The following IL15 variants were observed in gnomAD, a reference collection of about 807,000 sequenced individuals.
IL15 encodes interleukin-15.
In IL15, 11 loss-of-function variants were observed where a neutral mutation model predicts 19.6. The observed-to-expected ratio is 0.56, with a 90% confidence interval of 0.35 to 0.93. IL15 has a LOEUF of 0.93. Ranked by LOEUF, IL15 falls within the 40% of genes least tolerant of loss-of-function variation. IL15 has a pLI of 0.01. For missense variants in IL15, 197 were observed against 186.5 expected, an observed-to-expected ratio of 1.06 and a Z score of -0.33; for synonymous variants, 58 against 59.6, an observed-to-expected ratio of 0.97 and a Z score of 0.12.
Position 141,646,062 on chromosome 4 carries a change from C to T in IL15, c.-222+9314C>T, listed in dbSNP as rs80286720. ...AAGGCCACCCAGATTGAAGGGGAGACGACATAGATTCCACCTTTTGATTAG... is the reference window on the plus strand; with the variant it reads ...AAGGCCACCCAGATTGAAGGGGAGATGACATAGATTCCACCTTTTGATTAG... On this transcript the variant is annotated intron_variant, in intron 1 of 7. Transcript: ENST00000320650. Among the ~76,000 whole-genome samples, 683 of 152,078 alleles carry T rather than the reference C, an allele frequency of 4.5e-3. 2 individuals are homozygous for T. Among genetic ancestry groups the T allele is most frequent in the African/African-American group, 0.013 (538 of 41,496 alleles).
rs1485574018 is a variant in IL15, at chr4:141,733,963, TTA to T, written c.*1117_*1118del. Reference sequence around the variant, plus strand: ...GTAAGAAAGATGAAATATTTTTGTTTTATTATAAATTTATTTCACCTTAATTC... The same window carrying T: ...GTAAGAAAGATGAAATATTTTTGTTTTTATAAATTTATTTCACCTTAATTC... On this transcript the variant is annotated 3_prime_UTR_variant, in exon 8 of 8. Coordinates refer to ENST00000320650, the MANE Select transcript of IL15 (RefSeq NM_000585.5). 6.6e-6 allele frequency: 1 copy of T among 152,198 alleles called. No individual in the cohort carries two copies. The highest frequency in any genetic ancestry group is 6.5e-5 in the Admixed American group (1 of 15,290). The allele number at this position is 152,198 out of a possible 1,614,324, so 9.4% of individuals were successfully genotyped here.
intron 4 of IL15, chr4:141,721,156 T>G: frequency 7.5e-7 from 1 of 1,338,648 alleles, no homozygotes; most frequent in Non-Finnish European, 1.1e-6. Flanking sequence ...TTCATGGTAT[T>G]GGGAACCATA....
intron 1 of IL15, among the ~76,000 whole-genome samples, chr4:141,638,436 C>T (rs1726933085): frequency 6.6e-6 from 1 of 152,180 alleles, no homozygotes; most frequent in African/African-American, 2.4e-5. Context: ...TGGTCTGGAA[C>T]TTCTGATAGG....
Position 141,660,901 on chromosome 4 carries a change from C to A in IL15, c.-100+4594C>A, listed in dbSNP as rs553621702. Among the ~76,000 whole-genome samples the A allele has an allele frequency of 1.1e-4, 16 of 152,106 alleles. No individual in the cohort carries two copies. In the South Asian group the frequency reaches 3.1e-3, roughly 30 times the overall value. On this transcript the variant is annotated intron_variant, in intron 2 of 7. Coordinates refer to ENST00000320650, the MANE Select transcript of IL15 (RefSeq NM_000585.5). ...GTGCTCTTATCCCAAAAATGATGTA[C>A]AAATTTACACTTTTGTCATCCCTAC...
intron 2 of IL15, among the ~76,000 whole-genome samples, chr4:141,672,168 A>T (rs1206509109): frequency 6.6e-6 from 1 of 152,216 alleles, no homozygotes; most frequent in Non-Finnish European, 1.5e-5. Flanking sequence ...CCAATAGGTT[A>T]TGAGTGAAGG....
At chr4:141,721,346 G>T (rs1015227492) in intron 4 of IL15, among the ~76,000 whole-genome samples, 6 of 151,656 alleles carry the variant, frequency 4.0e-5, no homozygotes, top group African/African-American at 1.5e-4. Flanking sequence ...TATGAAATTT[G>T]TGAAAGTGAG....
intron 1 of IL15, among the ~76,000 whole-genome samples, chr4:141,651,018 A>G (rs1727385326): frequency 6.6e-6 from 1 of 152,020 alleles, no homozygotes; most frequent in East Asian, 1.9e-4. Context: ...TAGTTTTGGA[A>G]ATTGTAATAT....
At chr4:141,719,306 C>G in intron 2 of IL15, 60 bp from the exon 3 acceptor site, 1 of 544,994 alleles carries the variant, frequency 1.8e-6, no homozygotes, top group Non-Finnish European at 3.3e-6. Flanking sequence ...GTATTAATTC[C>G]CTCCCTTTCT....
intron 2 of IL15, among the ~76,000 whole-genome samples, chr4:141,706,512 G>A (rs1300727728): frequency 1.3e-5 from 2 of 151,962 alleles, no homozygotes; most frequent in Non-Finnish European, 1.5e-5. Context: ...CTATACTGGT[G>A]AGCTTTATAT....
chr4:141,671,785 A>G (rs1307796461), intron 2 of IL15, among the ~76,000 whole-genome samples: 1 of 152,206 alleles, frequency 6.6e-6, no homozygotes, highest in Non-Finnish European at 1.5e-5. Flanking sequence ...GACATAGGAC[A>G]TAAATCGTAG....
chr4:141,656,335 T>A (rs889447357), intron 2 of IL15, 28 bp downstream of exon 2: 2 of 397,866 alleles, frequency 5.0e-6, no homozygotes, highest in Non-Finnish European at 8.9e-6. Context: ...AGTTTTATCA[T>A]GCAATACAGA....
chr4:141,655,138 C>T (rs1189262383), intron 1 of IL15, among the ~76,000 whole-genome samples: 1 of 152,090 alleles, frequency 6.6e-6, no homozygotes, highest in Non-Finnish European at 1.5e-5. Context: ...TCTCATGCTC[C>T]TGCAGGATTC....
At chr4:141,669,546 A>C (rs1292457578) in intron 2 of IL15, among the ~76,000 whole-genome samples, 1 of 152,190 alleles carries the variant, frequency 6.6e-6, no homozygotes, top group Non-Finnish European at 1.5e-5. Flanking sequence ...GCCAAGGATA[A>C]TGGCTGCATC....
At chr4:141,699,895 T>C (rs532338529) in intron 2 of IL15, among the ~76,000 whole-genome samples, 121 of 152,138 alleles carry the variant, frequency 8.0e-4, no homozygotes, top group Non-Finnish European at 1.4e-3. Flanking sequence ...TTTTATTGTG[T>C]TATTGTTTTA....
intron 7 of IL15, among the ~76,000 whole-genome samples, chr4:141,730,863 T>TG (rs1369429969): frequency 1.3e-5 from 2 of 152,068 alleles, no homozygotes; most frequent in Non-Finnish European, 2.9e-5. Context: ...GGAGACAGTA[T>TG]GAAAAAATAC....
chr4:141,665,014 A>C (rs1408881778), intron 2 of IL15, among the ~76,000 whole-genome samples: 1 of 152,024 alleles, frequency 6.6e-6, no homozygotes, highest in Non-Finnish European at 1.5e-5. Context: ...TTATCTGTTC[A>C]AGTTCTTTAT....
intron 2 of IL15, among the ~76,000 whole-genome samples, chr4:141,669,632 A>G (rs1364134621): frequency 6.6e-6 from 1 of 152,140 alleles, no homozygotes; most frequent in African/African-American, 2.4e-5. Flanking sequence ...TTTTAGATTT[A>G]TTAAGTTTGA....
In IL15 at chr4:141,665,731, G is replaced by A. The variant is rs1213273266; in HGVS notation, c.-100+9424G>A. 2.0e-5 allele frequency among the ~76,000 whole-genome samples: 3 copies of A among 151,898 alleles called. No individual in the cohort carries two copies. The East Asian group carries it at 5.8e-4, about 29-fold the overall frequency. On this transcript the variant is annotated intron_variant, in intron 2 of 7. Coordinates refer to ENST00000320650, the MANE Select transcript of IL15 (RefSeq NM_000585.5). ...ATTACCATATTCATTCCTAACTATG[G>A]TATAATTTTGTTGCTAACGTGGATT...
At chr4:141,643,344 C>T (rs1029410975) in intron 1 of IL15, among the ~76,000 whole-genome samples, 3 of 152,120 alleles carry the variant, frequency 2.0e-5, no homozygotes, top group African/African-American at 7.2e-5. Flanking sequence ...TTTCTGCCCA[C>T]ATTTTACAGG....
Sources: gnomAD v4.1 joint callset for allele counts (sites outside exome capture counted in the v4.1 genomes callset) on GRCh38, gnomAD v4.1.1 for gene constraint, MANE v1.5 for transcripts, NCBI Gene and HGNC (gene_info 2026-07-23, HGNC 2026-07-21) for gene names.